TMEM108: variants seen among roughly 807,000 people sequenced by gnomAD.
TMEM108 encodes cancer/testis antigen 124.
Under a neutral mutation model 35.1 loss-of-function variants are expected in TMEM108, and 12 were observed. The observed-to-expected ratio is 0.34, with a 90% CI of 0.22 to 0.55. TMEM108 has a LOEUF of 0.55. TMEM108 is among the 20% of genes least tolerant of loss of function. TMEM108 has a pLI of 0.89. For synonymous variants in TMEM108, 287 were observed against 308.6 expected (o/e 0.93, Z 0.73); for missense variants, 680 against 753.3 (o/e 0.90, Z 1.14).
intron 3 of TMEM108, among the ~76,000 whole-genome samples, chr3:133,353,223 C>A (rs2072059810): frequency 6.6e-6 from 1 of 152,132 alleles, no homozygotes; most frequent in Admixed American, 6.5e-5. Context: ...AAGCTAGAGA[C>A]AAAGATGTTT....
rs542940827 is a variant in TMEM108 at position 133,388,128 on chromosome 3, A to G, written c.1451-2052A>G. ...TCTAGCTCTAACTCTACCAAAACTG[A>G]GCTGGAGCTGAGGAAACAGCACTTT... On this transcript the variant is annotated intron_variant, in intron 4 of 5. Coordinates refer to ENST00000321871, the MANE Select transcript of TMEM108 (RefSeq NM_023943.4). 7 of 985,394 alleles carry G rather than the reference A, an allele frequency of 7.1e-6. No individual in the cohort carries two copies. The East Asian group carries it at 7.9e-4, about 112-fold the overall frequency. The allele number at this position is 985,394 out of a possible 1,614,324, so 61.0% of individuals were successfully genotyped here. A position where few individuals can be genotyped will look rare whatever the true frequency, so the allele number is the denominator to read the frequency against.
Position 133,297,637 on chromosome 3 carries a change from A to G in TMEM108, c.40+68286A>G, listed in dbSNP as rs556943490. 2.2e-4 allele frequency among the ~76,000 whole-genome samples: 34 copies of G among 152,236 alleles called. No homozygotes were observed. In the South Asian group the frequency reaches 6.8e-3, roughly 31 times the overall value. On this transcript the variant is annotated intron_variant, in intron 3 of 5. Coordinates refer to ENST00000321871, the MANE Select transcript of TMEM108 (RefSeq NM_023943.4). ...TAAGTTCCCTGGGAGATTCTCAGTC[A>G]CTTCAGCAGTAGGCTATGGGTCAGT...
chr3:133,315,321 G>A (rs2071183922), intron 3 of TMEM108, among the ~76,000 whole-genome samples: 1 of 151,428 alleles, frequency 6.6e-6, no homozygotes, highest in Admixed American at 6.6e-5. Flanking sequence ...TTTGAGTCCT[G>A]CTTTATAGGT....
chr3:133,101,803 G>A (rs953290082), intron 2 of TMEM108, among the ~76,000 whole-genome samples: 1 of 152,134 alleles, frequency 6.6e-6, no homozygotes, highest in Non-Finnish European at 1.5e-5. Flanking sequence ...CTACTCATTG[G>A]AATCCCATGT....
rs1559888647 is a variant in TMEM108, at chr3:133,272,313, T to TGTG, written c.40+42962_40+42963insGTG. The stretch of plus-strand genomic sequence containing the variant: ...TGTGTGTGTGTGTGTGTGTGTGTGT[T>TGTG]TCCTAAAGGAGGACTTATTTTAATA... On this transcript the variant is annotated intron_variant, in intron 3 of 5. Coordinates refer to ENST00000321871, the MANE Select transcript of TMEM108 (RefSeq NM_023943.4). 8.9e-3 allele frequency among the ~76,000 whole-genome samples: 876 copies of TGTG among 98,008 alleles called. 6 individuals are homozygous for TGTG. The highest frequency in any genetic ancestry group is 0.019 in the African/African-American group (415 of 21,826). 64.3% of individuals were successfully genotyped at this position (98,008 alleles called of 152,430 possible). A position where few individuals can be genotyped will look rare whatever the true frequency, so the allele number is the denominator to read the frequency against.
intron 2 of TMEM108, among the ~76,000 whole-genome samples, chr3:133,117,553 C>A (rs137960388): frequency 6.6e-6 from 1 of 152,240 alleles, no homozygotes; most frequent in Non-Finnish European, 1.5e-5. Context: ...ACTGTTGTTG[C>A]CATGGTAATC....
intron 3 of TMEM108, among the ~76,000 whole-genome samples, chr3:133,325,592 T>C (rs2071321116): frequency 6.6e-6 from 1 of 152,110 alleles, no homozygotes; most frequent in Non-Finnish European, 1.5e-5. Context: ...TGTAGTGGCA[T>C]GTGCCAGCAG....
At chr3:133,248,155 A>G (rs899833135) in intron 3 of TMEM108, 3 of 152,150 alleles carry the variant, frequency 2.0e-5, no homozygotes, top group African/African-American at 7.2e-5. Context: ...AGAGGCAACA[A>G]TTAGTCCTCT....
intron 2 of TMEM108, among the ~76,000 whole-genome samples, chr3:133,134,205 G>A (rs1300519680): frequency 6.6e-6 from 1 of 151,794 alleles, no homozygotes; most frequent in Non-Finnish European, 1.5e-5. Flanking sequence ...AGGGAATGTT[G>A]GTATATCAGT....
intron 2 of TMEM108, among the ~76,000 whole-genome samples, chr3:133,084,990 GTC>G (rs1277110128): frequency 4.6e-5 from 7 of 152,202 alleles, no homozygotes; most frequent in African/African-American, 1.7e-4. Flanking sequence ...ATACCAGACA[GTC>G]GTCTTCACTA....
At chr3:133,202,375 A>G (rs781574982) in intron 2 of TMEM108, among the ~76,000 whole-genome samples, 1 of 152,158 alleles carries the variant, frequency 6.6e-6, no homozygotes, top group Non-Finnish European at 1.5e-5. Context: ...GCCCATGCCT[A>G]TGTCCTGAAT....
intron 3 of TMEM108, among the ~76,000 whole-genome samples, chr3:133,245,600 G>T (rs76011724): frequency 0.013 from 1,905 of 152,278 alleles, 16 homozygotes; most frequent in South Asian, 0.024. Flanking sequence ...TCAGTTAAGA[G>T]CCCACATGGT....
At chr3:133,316,254 T>G (rs1445457648) in intron 3 of TMEM108, among the ~76,000 whole-genome samples, 2 of 152,236 alleles carry the variant, frequency 1.3e-5, no homozygotes, top group African/African-American at 4.8e-5. Context: ...GTGATTCCCT[T>G]TAAGTGGTGA....
intron 3 of TMEM108, among the ~76,000 whole-genome samples, chr3:133,357,437 A>T (rs1266367166): frequency 6.6e-6 from 1 of 152,200 alleles, no homozygotes; most frequent in Non-Finnish European, 1.5e-5. Context: ...GTATCTACCA[A>T]AGAATAAGAA....
chr3:133,312,074 A>T (rs1252267932), intron 3 of TMEM108, among the ~76,000 whole-genome samples: 1 of 152,234 alleles, frequency 6.6e-6, no homozygotes, highest in East Asian at 1.9e-4. Context: ...CAGAACAGCA[A>T]ATATTGCTGC....
At chr3:133,369,685 G>T (rs1418715000) in intron 3 of TMEM108, among the ~76,000 whole-genome samples, 1 of 152,188 alleles carries the variant, frequency 6.6e-6, no homozygotes, top group Non-Finnish European at 1.5e-5. Context: ...GGACTCCAAA[G>T]CACATCAGTA....
chr3:133,287,274 A>T (rs1000563136), intron 3 of TMEM108, among the ~76,000 whole-genome samples: 4 of 152,330 alleles, frequency 2.6e-5, no homozygotes, highest in Admixed American at 2.0e-4. Flanking sequence ...AAACCTTTTA[A>T]AAAAAGGATC....
rs1947132765 is a variant in TMEM108 at position 133,295,519 on chromosome 3, T to C, written c.40+66168T>C. Among the ~76,000 whole-genome samples the C allele has an allele frequency of 3.9e-5, 6 of 152,344 alleles. 1 individual carries two copies. In the South Asian group the frequency reaches 1.2e-3, roughly 32 times the overall value. On this transcript the variant is annotated intron_variant, in intron 3 of 5. Coordinates refer to ENST00000321871, the MANE Select transcript of TMEM108 (RefSeq NM_023943.4). Reference sequence around the variant, plus strand: ...GCATTTTGTGAACTATAAAGCCCCTTGTCAGGTTGAGTTGTTATTATTGTT... The same window carrying C: ...GCATTTTGTGAACTATAAAGCCCCTCGTCAGGTTGAGTTGTTATTATTGTT...
intron 2 of TMEM108, among the ~76,000 whole-genome samples, chr3:133,147,068 G>C (rs569384366): frequency 1.3e-5 from 2 of 152,220 alleles, no homozygotes; most frequent in Non-Finnish European, 2.9e-5. Flanking sequence ...GTCGATTGTA[G>C]ATCTTTCCTG....
Sources: allele counts gnomAD v4.1 joint callset (sites outside exome capture counted in the v4.1 genomes callset), GRCh38; gene constraint gnomAD v4.1.1; transcripts MANE v1.5; gene names NCBI Gene and HGNC (gene_info 2026-07-23, HGNC 2026-07-21).